The following TBCD variants were observed in gnomAD, a reference collection of about 807,000 sequenced individuals.
TBCD encodes the protein tubulin folding cofactor D.
TBCD carries 105 observed loss-of-function variants against 169.3 expected under a neutral mutation model. That is an observed-to-expected ratio of 0.62 (90% CI 0.53 to 0.73). The LOEUF is 0.73. Among genes scored for constraint, TBCD ranks in the 30% least tolerant of loss-of-function variants. The pLI, the probability that TBCD is intolerant of heterozygous loss-of-function variation, is 0.00. For synonymous variants in TBCD, 700 were observed against 643.9 expected (o/e 1.09, Z -1.32); for missense variants, 1,444 against 1,600.1 (o/e 0.90, Z 1.66).
At chr17:82,867,147 G>A (rs1324557066) in intron 13 of TBCD, among the ~76,000 whole-genome samples, 3 of 151,738 alleles carry the variant, frequency 2.0e-5, no homozygotes, top group Admixed American at 6.6e-5. Context: ...GGGGTGTGGT[G>A]GGATCAGCTC....
intron 7 of TBCD, among the ~76,000 whole-genome samples, chr17:82,786,116 C>G (rs140835135): frequency 5.7e-4 from 87 of 152,244 alleles, no homozygotes; most frequent in African/African-American, 1.9e-3. Flanking sequence ...CCCGTGGGGC[C>G]AAAGCAGTGT....
chr17:82,919,688 G>C (rs144109669), intron 23 of TBCD, among the ~76,000 whole-genome samples: 355 of 152,240 alleles, frequency 2.3e-3, no homozygotes, highest in African/African-American at 7.4e-3. Flanking sequence ...GGTTGGCACT[G>C]AAGAATCTTG....
Position 82,923,854 on chromosome 17 carries a change from T to C in TBCD, c.2260+121T>C. 1.3e-6 allele frequency: 1 copy of C among 791,606 alleles called. No individual in the cohort carries two copies. The highest frequency in any genetic ancestry group is 1.8e-5 in the South Asian group (1 of 54,750). The allele number at this position is 791,606 out of a possible 1,614,324, so 49.0% of individuals were successfully genotyped here. A position where few individuals can be genotyped will look rare whatever the true frequency, so the allele number is the denominator to read the frequency against. ...GGAGCAGAGCCACCACGATCATGGCTGGAGTGGGACTGTTCGGGTCTCAGG... is the reference window on the plus strand; with the variant it reads ...GGAGCAGAGCCACCACGATCATGGCCGGAGTGGGACTGTTCGGGTCTCAGG... On this transcript the variant is annotated intron_variant, in intron 26 of 38. Coordinates refer to ENST00000355528, the MANE Select transcript of TBCD (RefSeq NM_005993.5). This position sits in a 1 kb window ranked among gnomAD's most constrained non-coding sequence, Gnocchi z 4.6.
intron 14 of TBCD, among the ~76,000 whole-genome samples, chr17:82,882,828 C>T (rs886276525): frequency 7.9e-5 from 12 of 152,232 alleles, no homozygotes; most frequent in Admixed American, 1.3e-4. Flanking sequence ...GGAGAACAGA[C>T]GGGATGTCAT....
At position 82,789,438 on chromosome 17, in the gene TBCD, G is replaced by A. The variant is rs1392185805; in HGVS notation, c.771+7717G>A. ...TGCTAGACGGGGAGGGGGCTTGGCG[G>A]GTCACCAGCCTCACCCCGCTCAGTT... On this transcript the variant is annotated intron_variant, in intron 7 of 38. Coordinates refer to ENST00000355528, the MANE Select transcript of TBCD (RefSeq NM_005993.5). The surrounding 1 kb of genome is among the most constrained non-coding windows in gnomAD (Gnocchi z 4.8). Among the ~76,000 whole-genome samples the A allele has an allele frequency of 1.3e-5, 2 of 152,208 alleles. No homozygotes were observed. The highest frequency in any genetic ancestry group is 4.8e-5 in the African/African-American group (2 of 41,452).
rs753785272 is a variant in TBCD at position 82,903,254 on chromosome 17, C to T, written c.1731-151C>T. The T allele has an allele frequency of 7.8e-5, 54 of 691,750 alleles. No homozygotes were observed. Among genetic ancestry groups the T allele is most frequent in the Non-Finnish European group, 1.2e-4 (48 of 391,724 alleles). The allele number at this position is 691,750 out of a possible 1,614,324, so 42.9% of individuals were successfully genotyped here. On this transcript the variant is annotated intron_variant, in intron 18 of 38. Coordinates refer to ENST00000355528, the MANE Select transcript of TBCD (RefSeq NM_005993.5). This position sits in a 1 kb window ranked among gnomAD's most constrained non-coding sequence, Gnocchi z 4.8. The stretch of plus-strand genomic sequence containing the variant: ...TTGTCGTCTGTTGGAGTCGGAGGTT[C>T]TTGTACTGGTTCGTGTGAGTGAGTG...
In TBCD at chr17:82,923,228, G is replaced by A. The variant is rs1345344649; in HGVS notation, c.2179-424G>A. On this transcript the variant is annotated intron_variant, in intron 25 of 38. Coordinates refer to ENST00000355528, the MANE Select transcript of TBCD (RefSeq NM_005993.5). The surrounding 1 kb of genome is among the most constrained non-coding windows in gnomAD (Gnocchi z 4.6). The stretch of plus-strand genomic sequence containing the variant: ...TATTATTGTTCCATATTAGAAGACA[G>A]ACATTGTGGAAGGAATAATCAGGTT... 6.6e-6 allele frequency among the ~76,000 whole-genome samples: 1 copy of A among 152,268 alleles called. No homozygotes were observed. Among genetic ancestry groups the A allele is most frequent in the Non-Finnish European group, 1.5e-5 (1 of 68,048 alleles).
At chr17:82,760,119 C>T (rs988634778) in intron 2 of TBCD, among the ~76,000 whole-genome samples, 13 of 152,080 alleles carry the variant, frequency 8.5e-5, no homozygotes, top group African/African-American at 3.1e-4. Context: ...AGCAGTCTGC[C>T]CGCCTTGGCC....
intron 14 of TBCD, among the ~76,000 whole-genome samples, chr17:82,873,186 C>T (rs2057732934): frequency 6.6e-6 from 1 of 152,252 alleles, no homozygotes; most frequent in Non-Finnish European, 1.5e-5. Context: ...GGTGAAAATC[C>T]TCACGGATTT....
At chr17:82,830,407 A>C in intron 13 of TBCD, 1 of 1,611,780 alleles carries the variant, frequency 6.2e-7, no homozygotes, top group South Asian at 1.1e-5. Context: ...GCACAGGGCC[A>C]CGGCTGCCGT....
intron 2 of TBCD, among the ~76,000 whole-genome samples, chr17:82,759,590 T>C (rs1425409426): frequency 3.9e-5 from 6 of 152,202 alleles, no homozygotes; most frequent in Non-Finnish European, 8.8e-5. Flanking sequence ...CCCACAGTGC[T>C]GGGATGACAG....
intron 7 of TBCD, among the ~76,000 whole-genome samples, chr17:82,792,299 C>T (rs1162911353): frequency 7.1e-6 from 1 of 141,376 alleles, no homozygotes; most frequent in Non-Finnish European, 1.5e-5. Flanking sequence ...CAGAGCGAGA[C>T]TCCGTCTCCA....
chr17:82,780,668 A>G (rs1393486364), intron 6 of TBCD, among the ~76,000 whole-genome samples: 4 of 98,452 alleles, frequency 4.1e-5, no homozygotes, highest in Non-Finnish European at 7.9e-5. Flanking sequence ...TTTTTGAGAC[A>G]GAGTCTTGTT....
Position 82,903,452 on chromosome 17 carries a change from A to G in TBCD, c.1778A>G (p.Gln593Arg). Residue 593 changes from glutamine to arginine, a missense_variant, in exon 19 of 39, where the codon CAG becomes CGG. Coordinates refer to ENST00000355528, the MANE Select transcript of TBCD (RefSeq NM_005993.5). The surrounding 1 kb of genome is among the most constrained non-coding windows in gnomAD (Gnocchi z 4.8). ...AGGGCGCTGCACAACCTGGCCCAGC[A>G]GGCACCCGAGTTCAGCGCCACGCAA... is the stretch of plus-strand genomic sequence containing the variant. Reference protein sequence around the residue: ...AARALHNLAQQAPEFSATQVF... With the variant: ...AARALHNLAQRAPEFSATQVF... 1 of 1,601,252 alleles carries G rather than the reference A, an allele frequency of 6.2e-7. No homozygotes were observed. The highest frequency in any genetic ancestry group is 1.7e-5 in the Admixed American group (1 of 58,374).
intron 7 of TBCD, among the ~76,000 whole-genome samples, chr17:82,786,078 G>T (rs2049299520): frequency 6.6e-6 from 1 of 152,114 alleles, no homozygotes; most frequent in Admixed American, 6.5e-5. Flanking sequence ...TCGTGTTCTG[G>T]GTGGGGAAGA....
At chr17:82,786,069 C>T (rs1226296638) in intron 7 of TBCD, among the ~76,000 whole-genome samples, 2 of 152,080 alleles carry the variant, frequency 1.3e-5, no homozygotes, top group Non-Finnish European at 2.9e-5. Context: ...CCTTCATGAT[C>T]GTGTTCTGGG....
chr17:82,870,521 C>G (rs542116043), intron 14 of TBCD, 141 bp downstream of exon 14: 5 of 1,151,058 alleles, frequency 4.3e-6, no homozygotes, highest in Non-Finnish European at 6.0e-6. Flanking sequence ...ACAAAGCCAC[C>G]GCTTGGAGGT....
intron 6 of TBCD, among the ~76,000 whole-genome samples, chr17:82,778,218 T>G (rs1200501739): frequency 6.6e-6 from 1 of 152,242 alleles, no homozygotes; most frequent in Non-Finnish European, 1.5e-5. Flanking sequence ...TTATATTTTA[T>G]TATATTGGAA....
At chr17:82,791,370 C>T (rs1222586072) in intron 7 of TBCD, among the ~76,000 whole-genome samples, 15 of 152,196 alleles carry the variant, frequency 9.9e-5, no homozygotes, top group East Asian at 3.9e-4. Flanking sequence ...GGATTACAGG[C>T]GTGAACCACT....
Sources: gnomAD v4.1 joint callset for allele counts (sites outside exome capture counted in the v4.1 genomes callset) on GRCh38, gnomAD v4.1.1 for gene constraint, Gnocchi (gnomAD v3.1) non-coding constraint, MANE v1.5 for transcripts, NCBI Gene and HGNC (gene_info 2026-07-23, HGNC 2026-07-21) for gene names.